The following CEMIP variants were observed in gnomAD, a reference collection of about 807,000 sequenced individuals.
The protein encoded by CEMIP is cell migration-inducing and hyaluronan-binding protein.
CEMIP carries 105 observed loss-of-function variants against 156.9 expected under a neutral mutation model. The observed-to-expected ratio is 0.67, with a 90% CI of 0.57 to 0.79. The LOEUF (loss-of-function observed/expected upper bound fraction) is 0.79. Among genes scored for constraint, CEMIP ranks in the 30% least tolerant of loss-of-function variants. CEMIP has a pLI of 0.00. For missense variants in CEMIP, 1,457 were observed against 1,769.4 expected (o/e 0.82, Z 3.17); for synonymous variants, 676 against 668.4 (o/e 1.01, Z -0.17).
At chr15:80,798,613 G>T (rs2141596455) in intron 1 of CEMIP, among the ~76,000 whole-genome samples, 1 of 152,218 alleles carries the variant, frequency 6.6e-6, no homozygotes, top group South Asian at 2.1e-4. Context: ...AACTGGAGAG[G>T]TTGAAAGCCA....
intron 14 of CEMIP, among the ~76,000 whole-genome samples, chr15:80,913,481 T>C (rs1483473458): frequency 4.3e-5 from 5 of 116,768 alleles, no homozygotes; most frequent in African/African-American, 1.4e-4. Flanking sequence ...TAAAAGAGCA[T>C]AGAGTCACAG....
At chr15:80,898,842 G>C (rs1178016374) in intron 12 of CEMIP, among the ~76,000 whole-genome samples, 2 of 152,196 alleles carry the variant, frequency 1.3e-5, no homozygotes, top group Non-Finnish European at 2.9e-5. Flanking sequence ...CCCTTAGGCT[G>C]GGCAGGTGGC....
intron 1 of CEMIP, among the ~76,000 whole-genome samples, chr15:80,860,970 C>A (rs1226572097): frequency 6.6e-6 from 1 of 152,060 alleles, no homozygotes; most frequent in Admixed American, 6.6e-5. Flanking sequence ...AGAGAGCTTT[C>A]CTCTCCTCTG....
At chr15:80,843,530 G>A (rs1260242649) in intron 1 of CEMIP, among the ~76,000 whole-genome samples, 1 of 152,222 alleles carries the variant, frequency 6.6e-6, no homozygotes, top group East Asian at 1.9e-4. Context: ...CACTTCCAGG[G>A]TGAGGGACAG....
At chr15:80,897,921 C>T (rs1899302236) in intron 12 of CEMIP, among the ~76,000 whole-genome samples, 2 of 152,210 alleles carry the variant, frequency 1.3e-5, no homozygotes, top group Non-Finnish European at 2.9e-5. Context: ...CAACAAGGAG[C>T]CCAGAAGACC....
chr15:80,793,105 A>T (rs1300026632), intron 1 of CEMIP, among the ~76,000 whole-genome samples: 1 of 152,226 alleles, frequency 6.6e-6, no homozygotes, highest in Admixed American at 6.5e-5. Flanking sequence ...AGAATATCAC[A>T]TTAAGAGGGT....
chr15:80,945,836 T>A (rs768489841), intron 28 of CEMIP, among the ~76,000 whole-genome samples: 1 of 152,214 alleles, frequency 6.6e-6, no homozygotes, highest in East Asian at 1.9e-4. Flanking sequence ...GTGTGCTGAG[T>A]CTGCCACTGT....
At chr15:80,829,965 G>GGGGTGTGT (rs1555428874) in intron 1 of CEMIP, among the ~76,000 whole-genome samples, 8 of 133,792 alleles carry the variant, frequency 6.0e-5, no homozygotes, top group South Asian at 2.4e-4. Context: ...GGAGGTAGCG[G>GGGGTGTGT]GTGTGTGTGT....
In CEMIP at chr15:80,873,604, G is replaced by A. The variant is rs1898366496; in HGVS notation, c.-109G>A. 1 of 467,344 alleles carries A rather than the reference G, an allele frequency of 2.1e-6. No individual in the cohort carries two copies. Among genetic ancestry groups the A allele is most frequent in the African/African-American group, 2.0e-5 (1 of 50,856 alleles). 28.9% of individuals were successfully genotyped at this position (467,344 alleles called of 1,614,324 possible). A position where few individuals can be genotyped will look rare whatever the true frequency, so the allele number is the denominator to read the frequency against. Reference sequence around the variant, plus strand: ...AGGATGAAATTCCACCCATCACTCGGTCTCTGAGCTGCAGGACACAGGCAG... The same window carrying A: ...AGGATGAAATTCCACCCATCACTCGATCTCTGAGCTGCAGGACACAGGCAG... On this transcript the variant is annotated 5_prime_UTR_variant, in exon 2 of 30. Coordinates refer to ENST00000394685, the MANE Select transcript of CEMIP (RefSeq NM_001293298.2).
intron 14 of CEMIP, among the ~76,000 whole-genome samples, chr15:80,910,421 T>C (rs1900007006): frequency 6.6e-6 from 1 of 152,180 alleles, no homozygotes; most frequent in African/African-American, 2.4e-5. Context: ...GCATTTGAGT[T>C]TGTAAGCACT....
chr15:80,870,443 G>A (rs1898250877), intron 1 of CEMIP, among the ~76,000 whole-genome samples: 2 of 152,220 alleles, frequency 1.3e-5, no homozygotes, highest in African/African-American at 4.8e-5. Context: ...CCATGAGGTT[G>A]AGGATGCCGT....
At chr15:80,815,360 G>A (rs184656972) in intron 1 of CEMIP, among the ~76,000 whole-genome samples, 1 of 152,340 alleles carries the variant, frequency 6.6e-6, no homozygotes, top group African/African-American at 2.4e-5. Flanking sequence ...TTGAGACATT[G>A]GGAAAGGCAT....
At chr15:80,814,197 C>T (rs564270343) in intron 1 of CEMIP, among the ~76,000 whole-genome samples, 4 of 152,030 alleles carry the variant, frequency 2.6e-5, no homozygotes, top group African/African-American at 4.8e-5. Flanking sequence ...TACAGGTGCC[C>T]GCCACCACGC....
chr15:80,785,129 G>A (rs10519292), intron 1 of CEMIP, among the ~76,000 whole-genome samples: 17,374 of 152,154 alleles, frequency 0.11, 1,145 homozygotes, highest in East Asian at 0.32. Context: ...GCGCAAGATC[G>A]TTGTGCAAAT....
In CEMIP at chr15:80,889,608, C is replaced by T. The variant is rs371457574; in HGVS notation, c.1086+16C>T. 1.2e-6 allele frequency: 2 copies of T among 1,613,568 alleles called. No individual in the cohort carries two copies. The highest frequency in any genetic ancestry group is 2.7e-5 in the African/African-American group (2 of 74,896). Reference sequence around the variant, plus strand: ...TGATATACAGGTACCAAACTCACAGCAAAAATAGAAAATAGAAATGTGTTG... The same window carrying T: ...TGATATACAGGTACCAAACTCACAGTAAAAATAGAAAATAGAAATGTGTTG... On this transcript the variant is annotated intron_variant, in intron 10 of 29. Coordinates refer to ENST00000394685, the MANE Select transcript of CEMIP (RefSeq NM_001293298.2).
chr15:80,881,544 A>C (rs1457126392), intron 6 of CEMIP, among the ~76,000 whole-genome samples: 4 of 151,482 alleles, frequency 2.6e-5, no homozygotes. Flanking sequence ...CAAGTGCAGA[A>C]GGCCGGAGGT....
intron 14 of CEMIP, among the ~76,000 whole-genome samples, chr15:80,914,517 G>C (rs990309934): frequency 1.4e-4 from 22 of 152,118 alleles, no homozygotes; most frequent in African/African-American, 4.8e-4. Flanking sequence ...CCAGTCCCCA[G>C]GTGCCCCAGC....
intron 12 of CEMIP, among the ~76,000 whole-genome samples, chr15:80,904,308 T>C (rs1436277568): frequency 3.3e-5 from 5 of 152,220 alleles, no homozygotes; most frequent in Non-Finnish European, 7.3e-5. Context: ...GGAGGATTTT[T>C]TGAGCCCAGG....
In CEMIP at chr15:80,941,890, A is replaced by G. The variant is rs764005119; in HGVS notation, c.3449A>G (p.Lys1150Arg). The G allele has an allele frequency of 1.2e-6, 2 of 1,613,832 alleles. No homozygotes were observed. The highest frequency in any genetic ancestry group is 2.2e-5 in the South Asian group (2 of 91,064). The change falls in exon 26 of 30, where the codon AAG becomes AGG. Residue 1150 changes from lysine to arginine, a missense_variant. Physicochemically the swap from Lys to Arg is conservative, Grantham distance 26. Coordinates refer to ENST00000394685, the MANE Select transcript of CEMIP (RefSeq NM_001293298.2). ...CTGAAAGCTCAGAACGAGAGAGAGAAGTTTGCTTTCTGCTCCATGAAAGGC... is the reference window on the plus strand; with the variant it reads ...CTGAAAGCTCAGAACGAGAGAGAGAGGTTTGCTTTCTGCTCCATGAAAGGC... ...LKLKAQNERE[K>R]FAFCSMKGCE...
Sources: gnomAD v4.1 joint callset for allele counts (sites outside exome capture counted in the v4.1 genomes callset) on GRCh38, gnomAD v4.1.1 for gene constraint, MANE v1.5 for transcripts, NCBI Gene and HGNC (gene_info 2026-07-23, HGNC 2026-07-21) for gene names.